The following TTC34 variants were observed in gnomAD, a reference collection of about 807,000 sequenced individuals.
TTC34 encodes tetratricopeptide repeat domain 34.
TTC34 carries 44 observed loss-of-function variants against 40.7 expected under a neutral mutation model. The observed-to-expected ratio is 1.08, with a 90% CI of 0.85 to 1.39. The LOEUF (loss-of-function observed/expected upper bound fraction) is 1.39. TTC34 is among the 40% of genes most tolerant of loss of function. TTC34 has a pLI of 0.00. For missense variants in TTC34, 884 were observed against 838.0 expected (o/e 1.05, Z -0.68); for synonymous variants, 422 against 398.6 (o/e 1.06, Z -0.70).
intron 6 of TTC34, among the ~76,000 whole-genome samples, chr1:2,687,369 C>A (rs556578368): frequency 9.6e-4 from 144 of 149,732 alleles, no homozygotes; most frequent in Non-Finnish European, 1.4e-3. Flanking sequence ...CCCCCACCCC[C>A]AGGCGAGCAT....
chr1:2,781,638 G>T (rs1356451217), intron 6 of TTC34, among the ~76,000 whole-genome samples: 1 of 152,152 alleles, frequency 6.6e-6, no homozygotes, highest in Non-Finnish European at 1.5e-5. Flanking sequence ...TCATCATTGA[G>T]TATGATGTTT....
At chr1:2,798,734 C>G (rs1240812354) in intron 2 of TTC34, among the ~76,000 whole-genome samples, 5 of 137,772 alleles carry the variant, frequency 3.6e-5, no homozygotes, top group African/African-American at 1.4e-4. Context: ...AGCCCCTCAG[C>G]CCCCCAGCCT....
chr1:2,645,516 A>C lies in TTC34; in HGVS notation c.2274T>G (p.Thr758=), dbSNP rs1639003523. The C allele has an allele frequency of 1.6e-6, 2 of 1,263,320 alleles. No individual in the cohort carries two copies. Among genetic ancestry groups the C allele is most frequent in the South Asian group, 2.5e-5 (2 of 78,502 alleles). 78.3% of individuals were successfully genotyped at this position (1,263,320 alleles called of 1,614,324 possible). ...TCAGAGAGCGGAGCTCAGGGACCACAGTCCCGGGGCCGAGCTTCAGAGCAG... is the reference window on the plus strand; with the variant it reads ...TCAGAGAGCGGAGCTCAGGGACCACCGTCCCGGGGCCGAGCTTCAGAGCAG... The change falls in exon 7 of 9, where the codon ACT becomes ACG. Residue 758 remains threonine (T), a synonymous_variant. Transcript: ENST00000401095. This position sits in a 1 kb window ranked among gnomAD's most constrained non-coding sequence, Gnocchi z 4.7.
Position 2,645,587 on chromosome 1 carries a change from G to GCCCC in TTC34, c.2227-25_2227-24insGGGG, listed in dbSNP as rs2100988797. On this transcript the variant is annotated intron_variant, in intron 6 of 8. Transcript: ENST00000401095. The surrounding 1 kb of genome is among the most constrained non-coding windows in gnomAD (Gnocchi z 4.7). ...TCCTGCAAGGAGGGAGGGCGGGCGG[G>GCCCC]TGCAGAGTTGTCCTAAGTAGAGAAA... is the stretch of plus-strand genomic sequence containing the variant. 19 of 229,476 alleles carry GCCCC rather than the reference G, an allele frequency of 8.3e-5. No homozygotes were observed. The highest frequency in any genetic ancestry group is 1.5e-4 in the Non-Finnish European group (17 of 116,414). 14.2% of individuals were successfully genotyped at this position (229,476 alleles called of 1,614,324 possible).
Position 2,789,760 on chromosome 1 carries a change from G to T in TTC34, c.1371C>A (p.Cys457Ter). Residue 457 changes from cysteine (C) to a stop codon, truncating the protein, a stop_gained, in exon 3 of 9, where the codon TGC (cysteine) becomes TGA (stop). Transcript: ENST00000401095. LOFTEE classifies it high-confidence loss of function. The stretch of plus-strand genomic sequence containing the variant: ...CCAGCACCCGCAGCAGTCCCCGGCC[G>T]CACAGCGCGCGCACACAGCCCCCCG... 1.6e-6 allele frequency: 1 copy of T among 636,514 alleles called. No individual in the cohort carries two copies. Among genetic ancestry groups the T allele is most frequent in the Middle Eastern group, 4.6e-4 (1 of 2,170 alleles). 39.4% of individuals were successfully genotyped at this position (636,514 alleles called of 1,614,324 possible). A position where few individuals can be genotyped will look rare whatever the true frequency, so the allele number is the denominator to read the frequency against.
At chr1:2,687,424 TGG>T (rs1640414622) in intron 6 of TTC34, among the ~76,000 whole-genome samples, 19 of 49,092 alleles carry the variant, frequency 3.9e-4, no homozygotes, top group African/African-American at 1.9e-3. Flanking sequence ...GAGCATCTGA[TGG>T]TCTGGAGCAG....
rs1475849736 is a variant in TTC34, at chr1:2,750,451, G to A, written c.2226+33158C>T. Among the ~76,000 whole-genome samples, 2 of 104,986 alleles carry A rather than the reference G, an allele frequency of 1.9e-5. 1 individual carries two copies. The highest frequency in any genetic ancestry group is 8.8e-5 in the African/African-American group (2 of 22,648). The allele number at this position is 104,986 out of a possible 152,430, so 68.9% of individuals were successfully genotyped here. A position where few individuals can be genotyped will look rare whatever the true frequency, so the allele number is the denominator to read the frequency against. ...CCTGTAACAGCACCCACACACCCAG[G>A]CGAGTATCTGACGGCCTGGAACAGC... On this transcript the variant is annotated intron_variant, in intron 6 of 8. Transcript: ENST00000401095.
intron 6 of TTC34, among the ~76,000 whole-genome samples, chr1:2,768,642 C>G (rs1231342323): frequency 6.6e-5 from 10 of 151,994 alleles, no homozygotes; most frequent in Admixed American, 5.9e-4. Flanking sequence ...ATCCGACAGC[C>G]TGGAACAGCA....
At chr1:2,753,684 ACAGCACCCTGC>A (rs1641404171) in intron 6 of TTC34, among the ~76,000 whole-genome samples, 8 of 99,142 alleles carry the variant, frequency 8.1e-5, no homozygotes, top group Admixed American at 1.9e-4. Context: ...AGAGCCTGGA[ACAGCACCCTGC>A]ACCCCCAGGT....
intron 5 of TTC34, among the ~76,000 whole-genome samples, chr1:2,785,035 C>T (rs1643560827): frequency 9.4e-6 from 1 of 106,738 alleles, no homozygotes; most frequent in African/African-American, 4.0e-5. Flanking sequence ...GCCTTCCTGC[C>T]GACGTGTGCA....
intron 3 of TTC34, among the ~76,000 whole-genome samples, chr1:2,788,425 C>G (rs541206945): frequency 6.6e-6 from 1 of 150,424 alleles, no homozygotes; most frequent in South Asian, 2.1e-4. Flanking sequence ...ATGTGTTGTG[C>G]GTGTGTGTGT....
chr1:2,643,280 G>C (rs1455538671), intron 8 of TTC34, among the ~76,000 whole-genome samples: 1 of 152,216 alleles, frequency 6.6e-6, no homozygotes, highest in African/African-American at 2.4e-5. Flanking sequence ...GCTCATTTCC[G>C]GGTGGGTCCC....
chr1:2,775,114 G>A (rs1642978608), intron 6 of TTC34: 2 of 136,146 alleles, frequency 1.5e-5, no homozygotes, highest in Admixed American at 7.4e-5. Flanking sequence ...CCAACCACAG[G>A]TGAGGATCTG....
Position 2,645,277 on chromosome 1 carries a change from T to C in TTC34, c.2497+16A>G, listed in dbSNP as rs2100988376. ...AGCCCAGACCCCGTGTTTCCCACCT[T>C]GGGGCCGCCGCATACCCTGTGCCAT... is the stretch of plus-strand genomic sequence containing the variant. On this transcript the variant is annotated intron_variant, in intron 7 of 8. Coordinates refer to ENST00000401095, the Ensembl canonical transcript of TTC34. The surrounding 1 kb of genome is among the most constrained non-coding windows in gnomAD (Gnocchi z 4.7). The C allele has an allele frequency of 6.9e-7, 1 of 1,448,176 alleles. No homozygotes were observed. The highest frequency in any genetic ancestry group is 1.4e-5 in the South Asian group (1 of 70,106). 89.7% of individuals were successfully genotyped at this position (1,448,176 alleles called of 1,614,324 possible).
intron 6 of TTC34, among the ~76,000 whole-genome samples, chr1:2,682,720 CAACTGACAGCCT>C (rs1416463661): frequency 3.0e-4 from 36 of 119,528 alleles, no homozygotes; most frequent in Non-Finnish European, 5.6e-4. Context: ...CCCAGGTGAG[CAACTGACAGCCT>C]GGAGCAGCAC....
chr1:2,685,224 G>C (rs1570810213), intron 6 of TTC34, among the ~76,000 whole-genome samples: 3 of 113,334 alleles, frequency 2.6e-5, no homozygotes, highest in African/African-American at 3.5e-5. Context: ...TGACATCGTG[G>C]AGCAGCACCC....
At chr1:2,781,838 C>T (rs978372052) in intron 6 of TTC34, among the ~76,000 whole-genome samples, 4 of 152,176 alleles carry the variant, frequency 2.6e-5, no homozygotes, top group African/African-American at 9.7e-5. Flanking sequence ...GTATGTTGAA[C>T]CATCCTTGCA....
Position 2,645,601 on chromosome 1 carries a change from T to C in TTC34, c.2227-38A>G. On this transcript the variant is annotated intron_variant, in intron 6 of 8. Transcript: ENST00000401095. This position sits in a 1 kb window ranked among gnomAD's most constrained non-coding sequence, Gnocchi z 4.7. ...AGGGCGGGCGGGTGCAGAGTTGTCC[T>C]AAGTAGAGAAACTGGGCAGAGGGTC... 6.9e-7 allele frequency: 1 copy of C among 1,441,194 alleles called. No individual in the cohort carries two copies. Among genetic ancestry groups the C allele is most frequent in the Non-Finnish European group, 9.1e-7 (1 of 1,100,146 alleles). The allele number at this position is 1,441,194 out of a possible 1,614,324, so 89.3% of individuals were successfully genotyped here.
At chr1:2,768,750 C>T (rs1328719226) in intron 6 of TTC34, among the ~76,000 whole-genome samples, 3 of 135,474 alleles carry the variant, frequency 2.2e-5, no homozygotes, top group Non-Finnish European at 3.2e-5. Context: ...TTCAGGTGAG[C>T]ATCTGACAGC....
Sources: gnomAD v4.1 joint callset for allele counts (sites outside exome capture counted in the v4.1 genomes callset) on GRCh38, gnomAD v4.1.1 for gene constraint, Gnocchi (gnomAD v3.1) non-coding constraint, MANE v1.5 for transcripts, NCBI Gene and HGNC (gene_info 2026-07-23, HGNC 2026-07-21) for gene names.